MYO1H: variants seen among roughly 807,000 people sequenced by gnomAD.
MYO1H encodes myosin IH, also known as unconventional myosin-Ih.
A neutral mutation model predicts 149.3 loss-of-function variants in MYO1H; 118 were observed. That is an observed-to-expected ratio of 0.79 (90% CI 0.68 to 0.92). The LOEUF is 0.92. Among genes scored for constraint, MYO1H ranks in the 40% least tolerant of loss-of-function variants. The probability of loss-of-function intolerance (pLI) is 0.00; values close to 1 mark genes in which losing one functional copy is unlikely to be tolerated. For missense variants in MYO1H, 1,212 were observed against 1,280.7 expected (o/e 0.95, Z 0.82); for synonymous variants, 447 against 465.2 (o/e 0.96, Z 0.50).
At chr12:109,389,438 C>A (rs1033630717) in intron 2 of MYO1H, among the ~76,000 whole-genome samples, 10 of 151,984 alleles carry the variant, frequency 6.6e-5, no homozygotes, top group African/African-American at 2.4e-4. Context: ...GAGCCCTGGA[C>A]GGTATAGGCA....
intron 1 of MYO1H, among the ~76,000 whole-genome samples, chr12:109,383,715 C>A (rs549492813): frequency 2.0e-4 from 30 of 152,342 alleles, no homozygotes; most frequent in Non-Finnish European, 2.4e-4. Context: ...GCAACTCCAC[C>A]TAACTGCAAG....
In MYO1H at chr12:109,396,597, G is replaced by A; in HGVS notation, c.489+15G>A. ...CAGTGCTGGAGGTAAGCGATCTCTG[G>A]GGACCAATCGAAGGGAGTTCCAGGG... On this transcript the variant is annotated intron_variant, in intron 4 of 31. Transcript: ENST00000310903. The A allele has an allele frequency of 6.3e-7, 1 of 1,598,700 alleles. No individual in the cohort carries two copies.
chr12:109,427,761 C>G (rs2135582396), intron 19 of MYO1H, among the ~76,000 whole-genome samples, 175 bp downstream of exon 19: 1 of 147,966 alleles, frequency 6.8e-6, no homozygotes, highest in Middle Eastern at 3.4e-3. Context: ...AAACCCAACT[C>G]TGGCTGGGTG....
At chr12:109,443,026 ATATG>A (rs1317871670) in intron 27 of MYO1H, among the ~76,000 whole-genome samples, 2 of 111,822 alleles carry the variant, frequency 1.8e-5, no homozygotes, top group African/African-American at 3.8e-5. Context: ...ATATATATAT[ATATG>A]TGTGTGTGTG....
At chr12:109,319,268 C>T in the MYO1H span, among the ~76,000 whole-genome samples, 3 of 152,044 alleles carry the variant, frequency 2.0e-5, no homozygotes, top group Admixed American at 6.6e-5. Context: ...AATTCAGGCA[C>T]GTGCAAGAGC....
At chr12:109,363,160 CA>C in intron 1 of MYO1H, among the ~76,000 whole-genome samples, 1 of 152,016 alleles carries the variant, frequency 6.6e-6, no homozygotes, top group Admixed American at 6.5e-5. Context: ...TTGTTTGGCA[CA>C]AAAAAAATTA....
chr12:109,443,541 A>C, exon 28 of MYO1H: 5 of 1,613,862 alleles, frequency 3.1e-6, no homozygotes, highest in Non-Finnish European at 4.2e-6. Flanking sequence ...TAAATATGAC[A>C]GAAAAGGCTT....
intron 19 of MYO1H, 36 bp from the exon 20 acceptor site, chr12:109,432,861 C>T (rs577979468): frequency 8.9e-6 from 14 of 1,567,112 alleles, no homozygotes; most frequent in South Asian, 2.2e-5. Flanking sequence ...GAGGAAGGTA[C>T]GGTCACAGCT....
chr12:109,418,765 C>T (rs992975974), intron 15 of MYO1H, among the ~76,000 whole-genome samples: 3 of 152,084 alleles, frequency 2.0e-5, no homozygotes, highest in African/African-American at 2.4e-5. Context: ...AAGATGGTCT[C>T]GATCTCCTGA....
At chr12:109,315,491 T>C in the MYO1H span, among the ~76,000 whole-genome samples, 1 of 152,250 alleles carries the variant, frequency 6.6e-6, no homozygotes, top group Non-Finnish European at 1.5e-5. Flanking sequence ...CAGGCCACAT[T>C]CAGCCACAGA....
At chr12:109,396,075 T>C (rs113608694) in intron 3 of MYO1H, among the ~76,000 whole-genome samples, 3,070 of 151,994 alleles carry the variant, frequency 0.02, 102 homozygotes, top group African/African-American at 0.069. Flanking sequence ...TGCACCACCA[T>C]ACCTGGCTAA....
chr12:109,367,351 G>T (rs560390842), intron 1 of MYO1H, among the ~76,000 whole-genome samples: 2 of 152,178 alleles, frequency 1.3e-5, no homozygotes, highest in East Asian at 3.9e-4. Flanking sequence ...CCCGTCACCT[G>T]TACAAAAATA....
chr12:109,409,241 T>C (rs892184412), intron 10 of MYO1H, among the ~76,000 whole-genome samples: 4 of 62,802 alleles, frequency 6.4e-5, no homozygotes, highest in African/African-American at 2.4e-4. Flanking sequence ...CTTCTTCTTC[T>C]TCTTCTTTTT....
chr12:109,398,591 AT>A (rs1469001861), intron 5 of MYO1H, among the ~76,000 whole-genome samples: 1 of 151,676 alleles, frequency 6.6e-6, no homozygotes, highest in Admixed American at 6.6e-5. Flanking sequence ...AAAAAAAAAA[AT>A]ACAAAAAATT....
the MYO1H span, among the ~76,000 whole-genome samples, chr12:109,340,733 A>G: frequency 6.6e-6 from 1 of 152,178 alleles, no homozygotes. Context: ...GTTATTCTAC[A>G]TATTTGTCAT....
At chr12:109,431,176 G>A (rs775717207) in intron 19 of MYO1H, among the ~76,000 whole-genome samples, 9 of 151,992 alleles carry the variant, frequency 5.9e-5, no homozygotes, top group Non-Finnish European at 1.2e-4. Flanking sequence ...CCAGGAGATC[G>A]AGACCATCCT....
At chr12:109,386,995 C>CGTGTGTGTGTGT (rs55675476) in intron 1 of MYO1H, among the ~76,000 whole-genome samples, 36 of 141,088 alleles carry the variant, frequency 2.6e-4, no homozygotes, top group Non-Finnish European at 4.1e-4. Flanking sequence ...ATCTCAAGTT[C>CGTGTGTGTGTGT]GTGTGTGTGT....
At chr12:109,340,739 G>A in the MYO1H span, among the ~76,000 whole-genome samples, 1 of 152,056 alleles carries the variant, frequency 6.6e-6, no homozygotes, top group African/African-American at 2.4e-5. Flanking sequence ...CTACATATTT[G>A]TCATTAGTTT....
the MYO1H span, among the ~76,000 whole-genome samples, chr12:109,327,589 CAT>C: frequency 4.0e-5 from 6 of 151,378 alleles, no homozygotes; most frequent in African/African-American, 1.2e-4. Context: ...CTACTAAAAA[CAT>C]AAAAATTAGC....
Sources: allele counts gnomAD v4.1 joint callset (sites outside exome capture counted in the v4.1 genomes callset), GRCh38; gene constraint gnomAD v4.1.1; transcripts MANE v1.5; gene names NCBI Gene and HGNC (gene_info 2026-07-23, HGNC 2026-07-21).